The following BFSP2 variants were observed in gnomAD, a reference collection of about 807,000 sequenced individuals.
BFSP2 encodes beaded filament structural protein 2, also known as phakinin.
Under a neutral mutation model 44.9 loss-of-function variants are expected in BFSP2, and 38 were observed. The ratio of observed to expected loss-of-function variants is 0.85; its 90% CI spans 0.65 to 1.11. The LOEUF is 1.11. BFSP2 is among the 50% of genes least tolerant of loss of function. The pLI, the probability that BFSP2 is intolerant of heterozygous loss-of-function variation, is 0.00. For synonymous variants in BFSP2, 197 were observed against 209.9 expected (o/e 0.94, Z 0.53); for missense variants, 525 against 533.0 (o/e 0.99, Z 0.15).
Position 133,400,912 on chromosome 3 carries a change from C to A in BFSP2, c.489+340C>A, listed in dbSNP as rs969952859. 6.6e-6 allele frequency among the ~76,000 whole-genome samples: 1 copy of A among 152,168 alleles called. No individual in the cohort carries two copies. Among genetic ancestry groups the A allele is most frequent in the Admixed American group, 6.6e-5 (1 of 15,264 alleles). On this transcript the variant is annotated intron_variant, in intron 1 of 6. Transcript: ENST00000302334. The surrounding 1 kb of genome is among the most constrained non-coding windows in gnomAD (Gnocchi z 4.0). ...TAGAGGGATGGAGATGAGATTTGAA[C>A]CTGAATTTTTGTGCCTCCAAAGTTG...
intron 6 of BFSP2, among the ~76,000 whole-genome samples, chr3:133,472,985 G>A (rs1391847784): frequency 1.3e-5 from 2 of 150,360 alleles, no homozygotes; most frequent in Non-Finnish European, 3.0e-5. Context: ...GTCTCGTCTC[G>A]GTATGTTGCC....
chr3:133,439,988 T>C (rs1027051073), intron 1 of BFSP2, among the ~76,000 whole-genome samples: 5 of 152,092 alleles, frequency 3.3e-5, no homozygotes, highest in Non-Finnish European at 7.3e-5. Context: ...TTCCTACTGC[T>C]GTGAAGAAAT....
Position 133,451,254 on chromosome 3 carries a change from A to G in BFSP2, c.891+790A>G, listed in dbSNP as rs190948247. Among the ~76,000 whole-genome samples, 61 of 152,340 alleles carry G rather than the reference A, an allele frequency of 4.0e-4. 1 individual carries two copies. The highest frequency in any genetic ancestry group is 2.4e-3 in the Admixed American group (36 of 15,300). On this transcript the variant is annotated intron_variant, in intron 4 of 6. Transcript: ENST00000302334. The stretch of plus-strand genomic sequence containing the variant: ...GCCACAACCTACCTATGTGCAGTAA[A>G]ATATCAGGCAGTTATTAGAATTAAT...
intron 1 of BFSP2, among the ~76,000 whole-genome samples, chr3:133,432,651 C>A (rs988624803): frequency 8.5e-5 from 13 of 152,174 alleles, no homozygotes; most frequent in South Asian, 2.1e-4. Context: ...AGCATTTATT[C>A]TCCAAAGGAT....
chr3:133,447,341 G>A lies in BFSP2; in HGVS notation c.514G>A (p.Ala172Thr), dbSNP rs1262625402. The change falls in exon 2 of 7, where the codon GCC (alanine) becomes ACC (threonine). Residue 172 changes from alanine to threonine, a missense_variant. Ala to Thr is a moderately conservative substitution (Grantham distance 58). Coordinates refer to ENST00000302334, the MANE Select transcript of BFSP2 (RefSeq NM_003571.4). ...QQVGEAVLEN[A>T]RLMLQTETIQ... ...GGTGGGTGAGGCAGTCTTGGAAAATGCCCGGCTCATGCTGCAGACAGAAAC... is the reference window on the plus strand; with the variant it reads ...GGTGGGTGAGGCAGTCTTGGAAAATACCCGGCTCATGCTGCAGACAGAAAC... 1.5e-5 allele frequency: 25 copies of A among 1,613,924 alleles called. No individual in the cohort carries two copies. The highest frequency in any genetic ancestry group is 2.0e-5 in the Non-Finnish European group (24 of 1,180,016).
At chr3:133,408,986 C>A (rs989775915) in intron 1 of BFSP2, among the ~76,000 whole-genome samples, 16 of 152,024 alleles carry the variant, frequency 1.1e-4, no homozygotes, top group Non-Finnish European at 1.9e-4. Flanking sequence ...AATTGTATAA[C>A]AAAAATAGAT....
At position 133,466,952 on chromosome 3, in the gene BFSP2, G is replaced by A. The variant is rs749607649; in HGVS notation, c.1016G>A (p.Arg339His). The A allele has an allele frequency of 1.4e-5, 23 of 1,613,906 alleles. No homozygotes were observed. Among genetic ancestry groups the A allele is most frequent in the African/African-American group, 1.2e-4 (9 of 74,900 alleles). ...QSLQAETESL[R>H]ALKRGLENTL... ...CTCCAGGCTGAGACAGAATCCTTAC[G>A]TGCCCTGGTAAGTGGGCCAAGGAAA... The change falls in exon 5 of 7, where the codon CGT becomes CAT. Residue 339 changes from arginine (R) to histidine (H), a missense_variant. Coordinates refer to ENST00000302334, the MANE Select transcript of BFSP2 (RefSeq NM_003571.4).
chr3:133,450,016 A>AGGAG lies in BFSP2; in HGVS notation c.730-276_730-273dup, dbSNP rs1553782768. The stretch of plus-strand genomic sequence containing the variant: ...AAGGAAGGAAGGAAGGAAGGAAGGA[A>AGGAG]GGAGGGAGGGAGGGGGAGGGAAGGA... On this transcript the variant is annotated intron_variant, in intron 3 of 6. Transcript: ENST00000302334. Among the ~76,000 whole-genome samples the AGGAG allele has an allele frequency of 0.036, 3,307 of 93,008 alleles. 108 individuals carry two copies. Among genetic ancestry groups the AGGAG allele is most frequent in the African/African-American group, 0.086 (1,934 of 22,414 alleles). 61.0% of individuals were successfully genotyped at this position (93,008 alleles called of 152,430 possible). A position where few individuals can be genotyped will look rare whatever the true frequency, so the allele number is the denominator to read the frequency against.
chr3:133,434,021 C>G (rs566948792), intron 1 of BFSP2, among the ~76,000 whole-genome samples: 1 of 152,348 alleles, frequency 6.6e-6, no homozygotes, highest in South Asian at 2.1e-4. Flanking sequence ...CTCAACTACT[C>G]ATACATGCCC....
chr3:133,437,281 T>C (rs570358166), intron 1 of BFSP2, among the ~76,000 whole-genome samples: 1 of 152,184 alleles, frequency 6.6e-6, no homozygotes, highest in East Asian at 1.9e-4. Context: ...TCCCAGCACT[T>C]TGGGAGGCCA....
rs544243962 is a variant in BFSP2 at position 133,431,407 on chromosome 3, G to A, written c.490-15910G>A. ...CTCCTCCCCCAGGAGCTTGCTTCAA[G>A]TGCCAGAAATCTGACCACCAGGCCA... On this transcript the variant is annotated intron_variant, in intron 1 of 6. Coordinates refer to ENST00000302334, the MANE Select transcript of BFSP2 (RefSeq NM_003571.4). Among the ~76,000 whole-genome samples, 4 of 152,264 alleles carry A rather than the reference G, an allele frequency of 2.6e-5. No individual in the cohort carries two copies. In the East Asian group the frequency reaches 7.7e-4, roughly 29 times the overall value.
intron 3 of BFSP2, 159 bp downstream of exon 3, chr3:133,448,804 G>C: frequency 3.0e-6 from 3 of 983,982 alleles, no homozygotes; most frequent in Non-Finnish European, 4.5e-6. Flanking sequence ...TCAGATCCTT[G>C]AAGTGGGTCA....
At chr3:133,438,470 G>A (rs1378023424) in intron 1 of BFSP2, among the ~76,000 whole-genome samples, 2 of 152,248 alleles carry the variant, frequency 1.3e-5, no homozygotes, top group Non-Finnish European at 2.9e-5. Flanking sequence ...GGGAGGCAGA[G>A]GTTGCAGTGA....
intron 1 of BFSP2, among the ~76,000 whole-genome samples, chr3:133,426,773 T>C (rs1440612887): frequency 6.6e-6 from 1 of 152,122 alleles, no homozygotes; most frequent in African/African-American, 2.4e-5. Context: ...TGGGAGGAAG[T>C]CCCCACAGCT....
At chr3:133,452,259 T>C (rs751670593) in intron 4 of BFSP2, among the ~76,000 whole-genome samples, 8 of 152,150 alleles carry the variant, frequency 5.3e-5, no homozygotes, top group Non-Finnish European at 8.8e-5. Context: ...ACAAGAACCT[T>C]CCCAGCAGGG....
At position 133,472,326 on chromosome 3, in the gene BFSP2, C is replaced by A. The variant is rs762568098; in HGVS notation, c.1024-19C>A. On this transcript the variant is annotated intron_variant, in intron 5 of 6. Coordinates refer to ENST00000302334, the MANE Select transcript of BFSP2 (RefSeq NM_003571.4). The stretch of plus-strand genomic sequence containing the variant: ...CGGCCTGTTGTCCTCGGGTTTGGAC[C>A]GGGTTCGCTCTTTTGTAGAAACGAG... The A allele has an allele frequency of 1.2e-6, 2 of 1,602,034 alleles. No homozygotes were observed. Among genetic ancestry groups the A allele is most frequent in the South Asian group, 1.1e-5 (1 of 90,172 alleles).
At chr3:133,418,936 G>C (rs926127402) in intron 1 of BFSP2, among the ~76,000 whole-genome samples, 2 of 152,140 alleles carry the variant, frequency 1.3e-5, no homozygotes, top group Admixed American at 1.3e-4. Context: ...ATTATGTGCA[G>C]TGTATTTGTC....
chr3:133,435,093 AAAG>A (rs1160821572), intron 1 of BFSP2, among the ~76,000 whole-genome samples: 2 of 152,216 alleles, frequency 1.3e-5, no homozygotes, highest in Non-Finnish European at 2.9e-5. Flanking sequence ...TAGGAAACAA[AAAG>A]AAGCCAGAAG....
At chr3:133,425,565 A>G (rs1243402970) in intron 1 of BFSP2, among the ~76,000 whole-genome samples, 1 of 152,188 alleles carries the variant, frequency 6.6e-6, no homozygotes, top group East Asian at 1.9e-4. Context: ...GCCACAAAAC[A>G]GTATCAACTC....
Sources: allele counts gnomAD v4.1 joint callset (sites outside exome capture counted in the v4.1 genomes callset), GRCh38; gene constraint gnomAD v4.1.1; non-coding constraint Gnocchi (gnomAD v3.1); transcripts MANE v1.5; gene names NCBI Gene and HGNC (gene_info 2026-07-23, HGNC 2026-07-21).